DAB1: variants seen among roughly 807,000 people sequenced by gnomAD.
DAB1 encodes DAB adaptor protein 1, also known as disabled homolog 1.
A neutral mutation model predicts 64.6 loss-of-function variants in DAB1; 15 were observed. That is an observed-to-expected ratio of 0.23 (90% CI 0.16 to 0.36). The LOEUF (loss-of-function observed/expected upper bound fraction) is 0.36, where lower values mean the gene tolerates loss of function less well. DAB1 is among the 10% of genes least tolerant of loss of function. DAB1 has a pLI of 1.00. For missense variants in DAB1, 596 were observed against 706.7 expected, an observed-to-expected ratio of 0.84 and a Z score of 1.78; for synonymous variants, 235 against 251.9, an observed-to-expected ratio of 0.93 and a Z score of 0.64.
chr1:57,343,870 G>C (rs1248383507), intron 1 of DAB1, among the ~76,000 whole-genome samples: 2 of 152,242 alleles, frequency 1.3e-5, no homozygotes, highest in African/African-American at 4.8e-5. Flanking sequence ...GCATCAGCGG[G>C]CTGAAGGGCT....
At chr1:57,088,338 C>A (rs1481836267) in intron 4 of DAB1, among the ~76,000 whole-genome samples, 1 of 152,112 alleles carries the variant, frequency 6.6e-6, no homozygotes, top group East Asian at 1.9e-4. Context: ...CCCAAAGTGT[C>A]GGGATTACAG....
chr1:57,429,450 T>C (rs1685416995), intron 7 of DAB1, among the ~76,000 whole-genome samples: 1 of 152,172 alleles, frequency 6.6e-6, no homozygotes, highest in Non-Finnish European at 1.5e-5. Context: ...TGCCTTTTCA[T>C]TTTTTTGATG....
chr1:58,242,402 C>T (rs1021194808), intron 4 of DAB1, among the ~76,000 whole-genome samples: 12 of 151,888 alleles, frequency 7.9e-5, no homozygotes, highest in East Asian at 5.8e-4. Context: ...GTAGATATCC[C>T]GGATAAAAAG....
At chr1:58,448,680 G>A (rs1261628157) in intron 3 of DAB1, among the ~76,000 whole-genome samples, 2 of 152,164 alleles carry the variant, frequency 1.3e-5, no homozygotes, top group Non-Finnish European at 2.9e-5. Context: ...AGGGACAGGG[G>A]ACACAAGCAC....
intron 7 of DAB1, among the ~76,000 whole-genome samples, chr1:57,430,285 A>G (rs915107969): frequency 3.9e-5 from 6 of 152,226 alleles, no homozygotes; most frequent in South Asian, 2.1e-4. Flanking sequence ...AAATTATTAC[A>G]CAGCCCACAA....
chr1:57,458,058 T>C (rs17426569), intron 7 of DAB1, among the ~76,000 whole-genome samples: 30,647 of 152,086 alleles, frequency 0.2, 3,284 homozygotes, highest in African/African-American at 0.29. Context: ...TCTTGCCTCC[T>C]TAATAAATTG....
intron 3 of DAB1, among the ~76,000 whole-genome samples, chr1:58,420,028 T>A (rs1219741629): frequency 6.6e-6 from 1 of 152,216 alleles, no homozygotes. Flanking sequence ...TCCTATGTAA[T>A]CATTTCCTGT....
At position 58,464,088 on chromosome 1, in the gene DAB1, G is replaced by A. The variant is rs960055065; in HGVS notation, n.257+41972C>T. ...GGAGGACAGTTGAAGAGCAGGGAAC[G>A]GCACACTGCAGAAATGTGGAAGCAA... On this transcript the variant is annotated intron_variant and non_coding_transcript_variant, in intron 3 of 20. Transcript: ENST00000485760. Among the ~76,000 whole-genome samples the A allele has an allele frequency of 3.3e-5, 5 of 152,292 alleles. No homozygotes were observed. In the South Asian group the frequency reaches 6.2e-4, roughly 19 times the overall value.
At chr1:57,589,860 A>G (rs987602163) in intron 7 of DAB1, among the ~76,000 whole-genome samples, 11 of 152,234 alleles carry the variant, frequency 7.2e-5, no homozygotes, top group Admixed American at 3.9e-4. Context: ...AAGCTAACAT[A>G]ACAATACACT....
intron 4 of DAB1, among the ~76,000 whole-genome samples, chr1:58,248,015 A>C (rs1660630132): frequency 6.6e-6 from 1 of 152,014 alleles, no homozygotes; most frequent in Non-Finnish European, 1.5e-5. Context: ...AAAAGGAGCA[A>C]GGCTTTTGCT....
chr1:58,365,499 G>T (rs1644208399), intron 3 of DAB1, among the ~76,000 whole-genome samples: 1 of 152,186 alleles, frequency 6.6e-6, no homozygotes, highest in Non-Finnish European at 1.5e-5. Context: ...GGACTATACA[G>T]ATCTGGCCAT....
At chr1:57,357,338 T>C (rs1222769920) in intron 1 of DAB1, among the ~76,000 whole-genome samples, 1 of 152,022 alleles carries the variant, frequency 6.6e-6, no homozygotes, top group Non-Finnish European at 1.5e-5. Flanking sequence ...CCTTTAACTG[T>C]AGAACCTCAA....
intron 6 of DAB1, among the ~76,000 whole-genome samples, chr1:57,685,609 T>G (rs1401241240): frequency 6.6e-6 from 1 of 152,128 alleles, no homozygotes; most frequent in Non-Finnish European, 1.5e-5. Flanking sequence ...GAATATACAT[T>G]CTTCTCATCT....
chr1:57,051,128 G>A (rs1209862665), intron 9 of DAB1, among the ~76,000 whole-genome samples: 1 of 152,184 alleles, frequency 6.6e-6, no homozygotes, highest in Non-Finnish European at 1.5e-5. Context: ...TCAGGACAAT[G>A]TTTGTTAAGT....
intron 1 of DAB1, among the ~76,000 whole-genome samples, chr1:57,875,980 C>A (rs1481210459): frequency 6.6e-6 from 1 of 152,194 alleles, no homozygotes; most frequent in Non-Finnish European, 1.5e-5. Context: ...CTAAGTCCAG[C>A]TCTCATTAAT....
Position 57,084,488 on chromosome 1 carries a change from C to A in DAB1, c.307-12074G>T, listed in dbSNP as rs374408240. Among the ~76,000 whole-genome samples the A allele has an allele frequency of 1.2e-4, 18 of 152,202 alleles. No homozygotes were observed. The East Asian group carries it at 2.9e-3, about 24-fold the overall frequency. ...GTTTGTGGTACTTTGGAGAAACAGC[C>A]CTTGGAAACTAAATACAGCCATCTT... On this transcript the variant is annotated intron_variant, in intron 4 of 14. Coordinates refer to ENST00000371236, the MANE Select transcript of DAB1 (RefSeq NM_001365792.1).
chr1:57,541,131 C>CT (rs533723819), intron 7 of DAB1, among the ~76,000 whole-genome samples: 446 of 142,424 alleles, frequency 3.1e-3, no homozygotes, highest in South Asian at 6.3e-3. Flanking sequence ...ACTTTTCTTT[C>CT]TTTTTTTTTT....
intron 1 of DAB1, among the ~76,000 whole-genome samples, chr1:57,836,832 T>C (rs1652830550): frequency 6.6e-6 from 1 of 152,224 alleles, no homozygotes; most frequent in African/African-American, 2.4e-5. Flanking sequence ...AGCCGAAATA[T>C]GCCCTGATCT....
intron 10 of DAB1, among the ~76,000 whole-genome samples, chr1:57,024,865 C>A (rs892668960): frequency 6.6e-6 from 1 of 152,218 alleles, no homozygotes; most frequent in African/African-American, 2.4e-5. Flanking sequence ...ATCGCTAGAG[C>A]CATCCAGCTT....
Sources: allele counts gnomAD v4.1 joint callset (sites outside exome capture counted in the v4.1 genomes callset), GRCh38; gene constraint gnomAD v4.1.1; transcripts MANE v1.5; gene names NCBI Gene and HGNC (gene_info 2026-07-23, HGNC 2026-07-21).